PALB2: variants seen among roughly 807,000 people sequenced by gnomAD.
PALB2 encodes partner and localizer of BRCA2.
Under a neutral mutation model 107.4 loss-of-function variants are expected in PALB2, and 82 were observed. The observed-to-expected ratio is 0.76, with a 90% confidence interval of 0.64 to 0.92. The LOEUF (loss-of-function observed/expected upper bound fraction) is 0.92, where lower values mean the gene tolerates loss of function less well. Among genes scored for constraint, PALB2 ranks in the 40% least tolerant of loss-of-function variants. The pLI is 0.00. For synonymous variants in PALB2, 489 were observed against 496.8 expected (o/e 0.98, Z 0.21); for missense variants, 1,374 against 1,379.9 (o/e 1.00, Z 0.07).
At chr16:23,629,153 A>C (rs750892599) in intron 6 of PALB2, 51 bp downstream of exon 6, 1 of 1,410,426 alleles carries the variant, frequency 7.1e-7, no homozygotes, top group Non-Finnish European at 1.0e-6. Context: ...TCAGTTCATT[A>C]AAGTTTTCAT....
At chr16:23,633,414 A>G (rs1036441808) in intron 4 of PALB2, among the ~76,000 whole-genome samples, 3 of 152,226 alleles carry the variant, frequency 2.0e-5, no homozygotes, top group Non-Finnish European at 4.4e-5. Context: ...TGAGACAGAC[A>G]GAACACAAAG....
Position 23,607,908 on chromosome 16 carries a change from GCTGAGAGTCGT to G in PALB2, c.3295_3305del (p.Thr1099ArgfsTer20). On this transcript the variant is annotated frameshift_variant, in exon 12 of 13. Transcript: ENST00000261584. LOFTEE classifies it high-confidence loss of function. ...GAAGACAGTACAGCATCACACCCAC[GCTGAGAGTCGT>G]CTTAGGGTTAATCACAATGAGCTGA... 6.2e-7 allele frequency: 1 copy of G among 1,613,990 alleles called. No homozygotes were observed. The highest frequency in any genetic ancestry group is 8.5e-7 in the Non-Finnish European group (1 of 1,179,996).
intron 4 of PALB2, among the ~76,000 whole-genome samples, chr16:23,631,279 CAAAAAAA>C (rs1157091932): frequency 1.3e-4 from 3 of 23,646 alleles, no homozygotes; most frequent in Non-Finnish European, 2.5e-4. Flanking sequence ...GACTCTGTCT[CAAAAAAA>C]AAAAAAAAAA....
intron 10 of PALB2, among the ~76,000 whole-genome samples, chr16:23,617,080 G>A (rs564288679): frequency 5.3e-5 from 8 of 152,222 alleles, no homozygotes; most frequent in African/African-American, 1.9e-4. Flanking sequence ...CTCCCAAAGT[G>A]CTGGGATTAC....
chr16:23,635,230 C>G lies in PALB2; in HGVS notation c.1316G>C (p.Gly439Ala), dbSNP rs537258442. The change falls in exon 4 of 13, where the codon GGG (glycine) becomes GCG (alanine). Residue 439 changes from glycine to alanine, a missense_variant. By Grantham distance (60) the Gly-to-Ala change is moderately conservative. Coordinates refer to ENST00000261584, the MANE Select transcript of PALB2 (RefSeq NM_024675.4). ...IQSHLDVKKK[G>A]FKNKNKDASK... ...TGCATCCTTATTTTTATTTTTAAACCCTTTTTTCTTGACATCCAAATGACT... is the reference window on the plus strand; with the variant it reads ...TGCATCCTTATTTTTATTTTTAAACGCTTTTTTCTTGACATCCAAATGACT... The G allele has an allele frequency of 3.7e-6, 6 of 1,614,048 alleles. No homozygotes were observed. The highest frequency in any genetic ancestry group is 3.3e-5 in the Admixed American group (2 of 60,006).
At chr16:23,634,664 T>C (rs1479021046) in intron 4 of PALB2, among the ~76,000 whole-genome samples, 198 bp downstream of exon 4, 1 of 151,090 alleles carries the variant, frequency 6.6e-6, no homozygotes, top group African/African-American at 2.4e-5. Context: ...TATTTATTTA[T>C]TTATTTATTT....
chr16:23,621,494 T>C lies in PALB2; in HGVS notation c.2997-16A>G. The C allele has an allele frequency of 2.0e-6, 3 of 1,527,048 alleles. No homozygotes were observed. The highest frequency in any genetic ancestry group is 2.2e-5 in the South Asian group (2 of 89,192). 94.6% of individuals were successfully genotyped at this position (1,527,048 alleles called of 1,614,324 possible). On this transcript the variant is annotated splice_polypyrimidine_tract_variant and intron_variant, in intron 9 of 12. Transcript: ENST00000261584. ...TTCTTTGCCTCTGTAATTAAAACAG[T>C]ATGAAAAGTCAGTACTTTGCACTAA...
In PALB2 at chr16:23,634,873, A is replaced by G. The variant is rs766583287; in HGVS notation, c.1673T>C (p.Ile558Thr). ...ACATCTTGATTTACCTTTCACTTGAATAAATAATTTTTCGTGCTGATATTT... is the reference window on the plus strand; with the variant it reads ...ACATCTTGATTTACCTTTCACTTGAGTAAATAATTTTTCGTGCTGATATTT... ...SHKYQHEKLF[I>T]QVKGKKSRHQ... The change falls in exon 4 of 13, where the codon ATT becomes ACT. Residue 558 changes from isoleucine to threonine, a missense_variant. Physicochemically the swap from Ile to Thr is moderately conservative, Grantham distance 89. Coordinates refer to ENST00000261584, the MANE Select transcript of PALB2 (RefSeq NM_024675.4). 7 of 1,613,780 alleles carry G rather than the reference A, an allele frequency of 4.3e-6. No homozygotes were observed. Among genetic ancestry groups the G allele is most frequent in the South Asian group, 1.1e-5 (1 of 91,066 alleles).
chr16:23,619,216 T>C (rs756085459), intron 10 of PALB2, among the ~76,000 whole-genome samples: 1 of 152,176 alleles, frequency 6.6e-6, no homozygotes, highest in Non-Finnish European at 1.5e-5. Context: ...ATTTTCCTAA[T>C]ACAAATTAAA....
At chr16:23,628,717 C>T (rs1230960408) in intron 6 of PALB2, among the ~76,000 whole-genome samples, 3 of 152,164 alleles carry the variant, frequency 2.0e-5, no homozygotes, top group Non-Finnish European at 2.9e-5. Flanking sequence ...CTCACTGCAA[C>T]GTCTGTCTCC....
At chr16:23,621,310 T>A (rs1966766585) in intron 10 of PALB2, 52 bp downstream of exon 10, 2 of 1,129,822 alleles carry the variant, frequency 1.8e-6, no homozygotes, top group Non-Finnish European at 1.4e-6. Flanking sequence ...AAATTAGAGG[T>A]ATATCCTCAT....
At chr16:23,616,232 A>G (rs955798072) in intron 10 of PALB2, among the ~76,000 whole-genome samples, 1 of 152,128 alleles carries the variant, frequency 6.6e-6, no homozygotes, top group Non-Finnish European at 1.5e-5. Flanking sequence ...ACTTGAGACT[A>G]CAGCAGTCCA....
At chr16:23,620,351 G>A (rs1023683824) in intron 10 of PALB2, among the ~76,000 whole-genome samples, 22 of 151,966 alleles carry the variant, frequency 1.4e-4, no homozygotes, top group African/African-American at 4.1e-4. Context: ...TAGCAGCTGC[G>A]ATCACCCTGA....
intron 1 of PALB2, among the ~76,000 whole-genome samples, chr16:23,639,074 C>G (rs1967136776): frequency 6.6e-6 from 1 of 152,114 alleles, no homozygotes; most frequent in South Asian, 2.1e-4. Context: ...CTCTGAAAGC[C>G]TAGATTCCCT....
In PALB2 at chr16:23,629,712, C is replaced by T. The variant is rs140776736; in HGVS notation, c.2442G>A (p.Glu814=). 1.2e-4 allele frequency: 191 copies of T among 1,614,076 alleles called. No homozygotes were observed. Among genetic ancestry groups the T allele is most frequent in the Non-Finnish European group, 1.6e-4 (184 of 1,180,034 alleles). The change falls in exon 5 of 13, where the codon GAG becomes GAA. Residue 814 remains glutamate, a synonymous_variant. Coordinates refer to ENST00000261584, the MANE Select transcript of PALB2 (RefSeq NM_024675.4). ...GCTGATTTTCTTTAAAAGTGAATGACTCAATGGGTGGAGGTGTTCCTGGCG... is the reference window on the plus strand; with the variant it reads ...GCTGATTTTCTTTAAAAGTGAATGATTCAATGGGTGGAGGTGTTCCTGGCG... ...SVPPGTPPPI[E]SFTFKENQLC...
intron 9 of PALB2, among the ~76,000 whole-genome samples, chr16:23,622,182 C>T (rs1966784268): frequency 6.6e-6 from 1 of 152,112 alleles, no homozygotes; most frequent in African/African-American, 2.4e-5. Context: ...GCTGTAAGTT[C>T]AGTTTGCAAC....
rs182485459 is a variant in PALB2, at chr16:23,609,198, G to A, written c.3202-1186C>T. Among the ~76,000 whole-genome samples the A allele has an allele frequency of 1.8e-3, 274 of 152,270 alleles. 3 individuals are homozygous for A. The highest frequency in any genetic ancestry group is 6.1e-3 in the African/African-American group (253 of 41,564). ...AACAACTGAGGTAACTCAGGAGGCC[G>A]AGGCAGTAGGATAGCTTGAGACAAG... On this transcript the variant is annotated intron_variant, in intron 11 of 12. Transcript: ENST00000261584.
Position 23,635,732 on chromosome 16 carries a change from C to T in PALB2, c.814G>A (p.Glu272Lys), listed in dbSNP as rs515726127. Residue 272 changes from glutamate (E) to lysine (K), a missense_variant, in exon 4 of 13, where the codon GAA becomes AAA. Glu to Lys is a moderately conservative substitution (Grantham distance 56). Coordinates refer to ENST00000261584, the MANE Select transcript of PALB2 (RefSeq NM_024675.4). The stretch of plus-strand genomic sequence containing the variant: ...TTTTTTAGGTCGTGAGTAGTAAGTT[C>T]ACTGCTACCTTTAGGAGGAATGTGT... ...LEHIPPKGSS[E>K]LTTHDLKNIR... 1.6e-5 allele frequency: 26 copies of T among 1,613,994 alleles called. No individual in the cohort carries two copies. Among genetic ancestry groups the T allele is most frequent in the Middle Eastern group, 1.6e-4 (1 of 6,084 alleles).
intron 7 of PALB2, 136 bp downstream of exon 7, chr16:23,626,100 T>A: frequency 4.9e-6 from 5 of 1,016,228 alleles, no homozygotes; most frequent in Admixed American, 2.0e-5. Flanking sequence ...AAACTTTTCA[T>A]AATAAAATGT....
Sources: allele counts gnomAD v4.1 joint callset (sites outside exome capture counted in the v4.1 genomes callset), GRCh38; gene constraint gnomAD v4.1.1; transcripts MANE v1.5; gene names NCBI Gene and HGNC (gene_info 2026-07-23, HGNC 2026-07-21).